Variants in OPHN1 observed in about 807,000 individuals in gnomAD.
The protein encoded by OPHN1 is oligophrenin 1.
Under a neutral mutation model 60.7 loss-of-function variants are expected in OPHN1, and 11 were observed. The ratio of observed to expected loss-of-function variants is 0.18; its 90% CI spans 0.11 to 0.30. The LOEUF (loss-of-function observed/expected upper bound fraction) is 0.30, where lower values mean the gene tolerates loss of function less well. Ranked by LOEUF, OPHN1 falls within the 10% of genes least tolerant of loss-of-function variation. The probability of loss-of-function intolerance (pLI) is 1.00; values close to 1 mark genes in which losing one functional copy is unlikely to be tolerated. For synonymous variants in OPHN1, 226 were observed against 222.6 expected, an observed-to-expected ratio of 1.02 and a Z score of -0.14; for missense variants, 449 against 611.0, an observed-to-expected ratio of 0.73 and a Z score of 2.80.
chrX:68,233,805 G>A (rs944289509), intron 6 of OPHN1, among the ~76,000 whole-genome samples: 2 of 111,529 alleles, frequency 1.8e-5, no homozygotes, highest in African/African-American at 6.5e-5. Flanking sequence ...CCAAACATAA[G>A]TCTTCTATTC....
intron 2 of OPHN1, among the ~76,000 whole-genome samples, chrX:68,411,601 C>T (rs2078769967): frequency 8.9e-6 from 1 of 111,950 alleles, no homozygotes; most frequent in Non-Finnish European, 1.9e-5. Flanking sequence ...CCTTTATACA[C>T]TTATTAATGA....
At chrX:68,148,208 C>A (rs1203463100) in intron 15 of OPHN1, among the ~76,000 whole-genome samples, 1 of 110,850 alleles carries the variant, frequency 9.0e-6, no homozygotes, top group African/African-American at 3.3e-5. Flanking sequence ...AAGAAAAAAA[C>A]CACAAAGGAT....
intron 2 of OPHN1, among the ~76,000 whole-genome samples, chrX:68,425,067 T>G (rs2078847285): frequency 8.9e-6 from 1 of 112,027 alleles, no homozygotes; most frequent in South Asian, 3.7e-4. Context: ...AGATACCTGC[T>G]GAGCAAGAAT....
intron 2 of OPHN1, among the ~76,000 whole-genome samples, chrX:68,384,230 C>T (rs1182523067): frequency 2.7e-5 from 3 of 111,510 alleles, no homozygotes; most frequent in Admixed American, 9.6e-5. Flanking sequence ...CCCAGACTGT[C>T]ACATAGCAGA....
intron 15 of OPHN1, among the ~76,000 whole-genome samples, chrX:68,159,265 A>G (rs955322880): frequency 1.8e-5 from 2 of 111,879 alleles, no homozygotes; most frequent in African/African-American, 3.3e-5. Context: ...TCTTTAAATC[A>G]TAGGCCAGCC....
intron 2 of OPHN1, among the ~76,000 whole-genome samples, chrX:68,429,252 G>A (rs928213788): frequency 1.8e-5 from 2 of 110,299 alleles, no homozygotes; most frequent in Non-Finnish European, 3.8e-5. Context: ...ACAAAACCCC[G>A]TCTCTACTAA....
intron 15 of OPHN1, among the ~76,000 whole-genome samples, chrX:68,177,312 T>C (rs1399421604): frequency 9.0e-6 from 1 of 110,882 alleles, no homozygotes; most frequent in Non-Finnish European, 1.9e-5. Context: ...GTGAATACAA[T>C]GAACATTAAT....
At chrX:68,120,211 C>T (rs1191352098) in intron 15 of OPHN1, among the ~76,000 whole-genome samples, 2 of 111,256 alleles carry the variant, frequency 1.8e-5, no homozygotes, top group East Asian at 5.7e-4. Context: ...TCATATGTAA[C>T]CACGGAAATA....
At chrX:68,060,185 G>GA (rs2076887957) in intron 21 of OPHN1, among the ~76,000 whole-genome samples, 1 of 111,210 alleles carries the variant, frequency 9.0e-6, no homozygotes, top group South Asian at 3.8e-4. Context: ...AATGAAGGCA[G>GA]AAAAAAATAG....
At chrX:68,315,953 C>A (rs201627530) in intron 2 of OPHN1, among the ~76,000 whole-genome samples, 2 of 110,186 alleles carry the variant, frequency 1.8e-5, no homozygotes, top group Non-Finnish European at 3.8e-5. Context: ...GATTAGAAGA[C>A]TTAATATTAT....
In OPHN1 at chrX:68,096,986, T is replaced by C. The variant is rs768698142; in HGVS notation, c.1570A>G (p.Met524Val). Residue 524 changes from methionine to valine, a missense_variant, in exon 19 of 25, where the codon ATG (methionine) becomes GTG (valine). Physicochemically the swap from Met to Val is conservative, Grantham distance 21. This residue lies in a region of OPHN1 where 166 missense variants were observed against 278.4 expected (regional missense o/e 0.60). Transcript: ENST00000355520. ...AGGGTGGGCCCAAAGATTACTCCCA[T>C]GTTGGAGGGGGTCATAAGATTCTCT... ...SKENLMTPSNMGVIFGPTLMR... is the reference protein window; with the variant it reads ...SKENLMTPSNVGVIFGPTLMR... The C allele has an allele frequency of 6.6e-6, 8 of 1,210,380 alleles. No individual in the cohort carries two copies. The Admixed American group carries it at 1.7e-4, about 26-fold the overall frequency.
In OPHN1 at chrX:68,427,154, A is replaced by C. The variant is rs1235372167; in HGVS notation, c.154+5713T>G. ...CATGGTGGCATGCGCCTGTAGTCCCAGCTACTTGAGAGGTTGAGGCATGAG... is the reference window on the plus strand; with the variant it reads ...CATGGTGGCATGCGCCTGTAGTCCCCGCTACTTGAGAGGTTGAGGCATGAG... On this transcript the variant is annotated intron_variant, in intron 2 of 24. Transcript: ENST00000355520. Among the ~76,000 whole-genome samples, 3 of 106,317 alleles carry C rather than the reference A, an allele frequency of 2.8e-5. No homozygotes were observed. The Admixed American group carries it at 3.1e-4, about 11-fold the overall frequency. The allele number at this position is 106,317 out of a possible 115,157, so 92.3% of individuals were successfully genotyped here.
intron 2 of OPHN1, among the ~76,000 whole-genome samples, chrX:68,408,891 G>A (rs1272691979): frequency 8.9e-6 from 1 of 112,618 alleles, no homozygotes; most frequent in Non-Finnish European, 1.9e-5. Flanking sequence ...AACTCGGGAA[G>A]CGGAGGCTGC....
chrX:68,331,730 C>CAAA (rs1158512927), intron 2 of OPHN1, among the ~76,000 whole-genome samples: 4 of 39,309 alleles, frequency 1.0e-4, no homozygotes, highest in South Asian at 1.6e-3. Context: ...GACTCTGTAT[C>CAAA]AAAAAAAAAA....
chrX:68,048,858 T>A (rs2076841177), intron 23 of OPHN1, among the ~76,000 whole-genome samples: 1 of 111,937 alleles, frequency 8.9e-6, no homozygotes, highest in African/African-American at 3.2e-5. Flanking sequence ...GTCCAGCCTC[T>A]TGATGTGCTT....
intron 2 of OPHN1, among the ~76,000 whole-genome samples, chrX:68,374,694 AAG>A (rs1388039884): frequency 3.6e-5 from 4 of 111,923 alleles, no homozygotes; most frequent in African/African-American, 1.3e-4. Flanking sequence ...ATATCTGACA[AAG>A]AACCCATACT....
At chrX:68,078,579 T>G (rs1569205433) in intron 19 of OPHN1, among the ~76,000 whole-genome samples, 1 of 111,619 alleles carries the variant, frequency 9.0e-6, no homozygotes, top group Non-Finnish European at 1.9e-5. Context: ...TTATTTCCCT[T>G]TGCTCAGTTA....
At chrX:68,189,507 C>T (rs1334498805) in intron 15 of OPHN1, among the ~76,000 whole-genome samples, 3 of 105,137 alleles carry the variant, frequency 2.9e-5, no homozygotes, top group African/African-American at 7.0e-5. Context: ...CCTCCCACCT[C>T]CCCCAACCCC....
At chrX:68,145,089 C>A (rs1257287978) in intron 15 of OPHN1, among the ~76,000 whole-genome samples, 1 of 111,565 alleles carries the variant, frequency 9.0e-6, no homozygotes, top group Non-Finnish European at 1.9e-5. Context: ...CTAATAAGAA[C>A]AAGCTGACAC....
Sources: allele counts gnomAD v4.1 joint callset (sites outside exome capture counted in the v4.1 genomes callset), GRCh38; gene constraint gnomAD v4.1.1; regional missense constraint gnomAD v4.1.1; transcripts MANE v1.5; gene names NCBI Gene and HGNC (gene_info 2026-07-23, HGNC 2026-07-21).